Variants in RGS6 observed in about 807,000 individuals in gnomAD.
RGS6 encodes regulator of G-protein signaling 6.
RGS6 carries 30 observed loss-of-function variants against 78.5 expected under a neutral mutation model. That is an observed-to-expected ratio of 0.38 (90% CI 0.29 to 0.52). The LOEUF is 0.52. Ranked by LOEUF, RGS6 falls within the 20% of genes least tolerant of loss-of-function variation. The pLI, the probability that RGS6 is intolerant of heterozygous loss-of-function variation, is 0.85. For synonymous variants in RGS6, 206 were observed against 206.0 expected (o/e 1.00, Z 0.00); for missense variants, 495 against 609.7 (o/e 0.81, Z 1.98).
intron 2 of RGS6, among the ~76,000 whole-genome samples, chr14:72,321,216 G>A (rs568255756): frequency 1.3e-5 from 2 of 151,852 alleles, no homozygotes; most frequent in African/African-American, 2.4e-5. Context: ...GTGATCACTG[G>A]AAAAATTAAC....
intron 3 of RGS6, among the ~76,000 whole-genome samples, chr14:72,376,399 T>C (rs984511593): frequency 3.9e-5 from 6 of 152,178 alleles, no homozygotes; most frequent in African/African-American, 1.2e-4. Flanking sequence ...GTGGACATTC[T>C]GGAAGAAGAG....
intron 16 of RGS6, chr14:72,537,416 G>A (rs2097265004): frequency 1.4e-6 from 1 of 700,270 alleles, no homozygotes; most frequent in Admixed American, 2.0e-5. Flanking sequence ...CTGCCCTTGT[G>A]TAGCCCTGGA....
At chr14:72,174,382 G>T (rs559035999) in intron 2 of RGS6, among the ~76,000 whole-genome samples, 1 of 152,310 alleles carries the variant, frequency 6.6e-6, no homozygotes, top group Non-Finnish European at 1.5e-5. Flanking sequence ...ACAGTTATGA[G>T]CCACTGCGCC....
the RGS6 span, among the ~76,000 whole-genome samples, chr14:71,893,420 G>C: frequency 1.3e-5 from 2 of 152,328 alleles, no homozygotes; most frequent in African/African-American, 4.8e-5. Flanking sequence ...CTGATTGGAG[G>C]ATTTTTGTGA....
intron 2 of RGS6, among the ~76,000 whole-genome samples, chr14:72,210,688 G>T (rs773294730): frequency 6.6e-6 from 1 of 152,082 alleles, no homozygotes; most frequent in African/African-American, 2.4e-5. Context: ...TTTTGGAATT[G>T]ATCTACCTGG....
Position 72,317,797 on chromosome 14 carries a change from C to A in RGS6, c.85-34298C>A, listed in dbSNP as rs371944826. ...AAATCATTGTATTAGTCAGGGTTCTCTAGAGGGACAGAACTAATAGGACAG... is the reference window on the plus strand; with the variant it reads ...AAATCATTGTATTAGTCAGGGTTCTATAGAGGGACAGAACTAATAGGACAG... On this transcript the variant is annotated intron_variant, in intron 2 of 17. Transcript: ENST00000553525. Among the ~76,000 whole-genome samples, 16 of 151,962 alleles carry A rather than the reference C, an allele frequency of 1.1e-4. No homozygotes were observed. In the East Asian group the frequency reaches 1.4e-3, roughly 13 times the overall value.
intron 2 of RGS6, among the ~76,000 whole-genome samples, chr14:72,133,395 G>A (rs145190237): frequency 3.2e-4 from 49 of 151,940 alleles, no homozygotes; most frequent in African/African-American, 1.0e-3. Flanking sequence ...TTCCCTTTGC[G>A]ATACACAGGA....
chr14:72,418,146 T>C lies in RGS6; in HGVS notation c.185-36382T>C, dbSNP rs182888726. Among the ~76,000 whole-genome samples the C allele has an allele frequency of 2.4e-3, 365 of 152,082 alleles. 3 individuals carry two copies. The highest frequency in any genetic ancestry group is 4.8e-3 in the South Asian group (23 of 4,802). The stretch of plus-strand genomic sequence containing the variant: ...CATGAAGCGGACACATCATCTGTAC[T>C]GCCAGTGTCTCTCTTCAAAATAAAC... On this transcript the variant is annotated intron_variant, in intron 3 of 17. Transcript: ENST00000553525.
intron 2 of RGS6, among the ~76,000 whole-genome samples, chr14:72,283,302 C>T (rs1589301): frequency 0.058 from 8,830 of 152,228 alleles, 431 homozygotes; most frequent in East Asian, 0.3. Context: ...GAAGTGGGAT[C>T]ACTGGATCAT....
intron 2 of RGS6, among the ~76,000 whole-genome samples, chr14:71,995,005 G>A (rs1250263403): frequency 6.6e-6 from 1 of 152,204 alleles, no homozygotes. Context: ...ACTGGGGGCT[G>A]AGGTGGGGTG....
chr14:71,992,874 A>G (rs2095025491), intron 2 of RGS6, among the ~76,000 whole-genome samples: 1 of 151,084 alleles, frequency 6.6e-6, no homozygotes, highest in Non-Finnish European at 1.5e-5. Flanking sequence ...ATCTTTTTTT[A>G]TCTTATGAAT....
chr14:72,533,431 C>T lies in RGS6; in HGVS notation c.1279-2755C>T, dbSNP rs572913321. 3.0e-3 allele frequency among the ~76,000 whole-genome samples: 464 copies of T among 152,348 alleles called. 1 individual carries two copies. The highest frequency in any genetic ancestry group is 0.011 in the African/African-American group (447 of 41,574). On this transcript the variant is annotated intron_variant, in intron 15 of 17. Coordinates refer to ENST00000553525, the MANE Select transcript of RGS6 (RefSeq NM_001204424.2). Reference sequence around the variant, plus strand: ...AATGTTGTTTTCATGACTGCTAACACAACATCCGTTCTGTAGCCTATGGAT... The same window carrying T: ...AATGTTGTTTTCATGACTGCTAACATAACATCCGTTCTGTAGCCTATGGAT...
chr14:72,191,673 C>T (rs1327579089), intron 2 of RGS6, among the ~76,000 whole-genome samples: 4 of 152,208 alleles, frequency 2.6e-5, no homozygotes, highest in African/African-American at 9.6e-5. Flanking sequence ...TAAATTACTT[C>T]CCACTGGTTG....
At chr14:72,404,432 C>T (rs906024895) in intron 3 of RGS6, among the ~76,000 whole-genome samples, 2 of 152,160 alleles carry the variant, frequency 1.3e-5, no homozygotes, top group Non-Finnish European at 1.5e-5. Context: ...AGCACTGCCT[C>T]GGATTCCAGA....
At chr14:72,581,886 A>C in the RGS6 span, among the ~76,000 whole-genome samples, 3 of 152,230 alleles carry the variant, frequency 2.0e-5, no homozygotes, top group East Asian at 5.8e-4. Flanking sequence ...AACCAATAAA[A>C]GAGTTTTATT....
At chr14:72,532,968 T>A (rs1278607768) in intron 15 of RGS6, among the ~76,000 whole-genome samples, 1 of 152,360 alleles carries the variant, frequency 6.6e-6, no homozygotes, top group South Asian at 2.1e-4. Context: ...CTAAGATCAT[T>A]GATGAAGGTG....
chr14:72,514,595 A>G (rs1405309893), intron 14 of RGS6, among the ~76,000 whole-genome samples: 1 of 152,206 alleles, frequency 6.6e-6, no homozygotes, highest in African/African-American at 2.4e-5. Context: ...AGCATTTCTA[A>G]GTCATGAACA....
chr14:72,409,663 T>C (rs2153045276), intron 3 of RGS6, among the ~76,000 whole-genome samples: 1 of 152,272 alleles, frequency 6.6e-6, no homozygotes, highest in African/African-American at 2.4e-5. Context: ...GCTGCACCCA[T>C]TAACTCATCA....
intron 2 of RGS6, among the ~76,000 whole-genome samples, chr14:72,300,661 T>A (rs1313036459): frequency 6.6e-6 from 1 of 152,164 alleles, no homozygotes; most frequent in Non-Finnish European, 1.5e-5. Flanking sequence ...GTGAAGGGGG[T>A]GGCATAGACA....
Sources: allele counts gnomAD v4.1 joint callset (sites outside exome capture counted in the v4.1 genomes callset), GRCh38; gene constraint gnomAD v4.1.1; transcripts MANE v1.5; gene names NCBI Gene and HGNC (gene_info 2026-07-23, HGNC 2026-07-21).